Variants in RNFT2 observed in about 807,000 individuals in gnomAD.
RNFT2 encodes ring finger protein, transmembrane 2, also known as E3 ubiquitin-protein ligase RNFT2.
In RNFT2, 36 loss-of-function variants were observed where a neutral mutation model predicts 53.0. The observed-to-expected ratio is 0.68, with a 90% CI of 0.52 to 0.90. RNFT2 has a LOEUF of 0.90. Among genes scored for constraint, RNFT2 ranks in the 40% least tolerant of loss-of-function variants. The pLI is 0.00. For synonymous variants in RNFT2, 260 were observed against 253.2 expected, an observed-to-expected ratio of 1.03 and a Z score of -0.26; for missense variants, 514 against 585.6, an observed-to-expected ratio of 0.88 and a Z score of 1.26.
At position 116,815,366 on chromosome 12, in the gene RNFT2, TG is replaced by T. The variant is rs1218344655; in HGVS notation, c.883-18424del. On this transcript the variant is annotated intron_variant, in intron 7 of 10. Coordinates refer to ENST00000257575, the MANE Select transcript of RNFT2 (RefSeq NM_001382266.1). ...ACACAACTGTATTATCTTACAGTTC[TG>T]GAGGTCAGATGTCCAAAATCTGTGT... is the stretch of plus-strand genomic sequence containing the variant. Among the ~76,000 whole-genome samples the T allele has an allele frequency of 7.9e-5, 12 of 152,366 alleles. No homozygotes were observed. In the East Asian group the frequency reaches 2.1e-3, roughly 27 times the overall value.
chr12:116,818,317 T>G (rs1351341927), intron 7 of RNFT2, among the ~76,000 whole-genome samples: 2 of 38,280 alleles, frequency 5.2e-5, no homozygotes, highest in East Asian at 1.8e-3. Flanking sequence ...TGAGGCCCTA[T>G]CTCAAAAAAA....
At chr12:116,793,603 T>C (rs1159748688) in intron 7 of RNFT2, among the ~76,000 whole-genome samples, 1 of 152,216 alleles carries the variant, frequency 6.6e-6, no homozygotes, top group Admixed American at 6.6e-5. Flanking sequence ...CCAGCCATGC[T>C]GGTGACTTCT....
chr12:116,751,928 G>A (rs1034326268), intron 4 of RNFT2, among the ~76,000 whole-genome samples: 5 of 151,954 alleles, frequency 3.3e-5, no homozygotes, highest in East Asian at 3.9e-4. Flanking sequence ...GATTACAGGT[G>A]TGAGCCACCA....
chr12:116,832,138 A>ATAT (rs1479850265), intron 7 of RNFT2, among the ~76,000 whole-genome samples: 13 of 60,078 alleles, frequency 2.2e-4, no homozygotes, highest in African/African-American at 7.6e-4. Flanking sequence ...CTCAAAAAAA[A>ATAT]AAAAAAAAAA....
chr12:116,852,245 T>C lies in RNFT2; in HGVS notation c.*2797T>C. 9 of 1,273,602 alleles carry C rather than the reference T, an allele frequency of 7.1e-6. No individual in the cohort carries two copies. Among genetic ancestry groups the C allele is most frequent in the Non-Finnish European group, 8.9e-6 (9 of 1,008,454 alleles). 78.9% of individuals were successfully genotyped at this position (1,273,602 alleles called of 1,614,324 possible). A position where few individuals can be genotyped will look rare whatever the true frequency, so the allele number is the denominator to read the frequency against. Reference sequence around the variant, plus strand: ...CAATCTGTGTGGCTAGTGGGCAGATTACCATGCAAGCCCCAGGAGAAATGG... The same window carrying C: ...CAATCTGTGTGGCTAGTGGGCAGATCACCATGCAAGCCCCAGGAGAAATGG... On this transcript the variant is annotated 3_prime_UTR_variant, in exon 11 of 11. Coordinates refer to ENST00000257575, the MANE Select transcript of RNFT2 (RefSeq NM_001382266.1).
chr12:116,785,156 C>T (rs1388478750), intron 7 of RNFT2, among the ~76,000 whole-genome samples: 1 of 151,970 alleles, frequency 6.6e-6, no homozygotes, highest in African/African-American at 2.4e-5. Context: ...CAGAGATGCT[C>T]CTTCTCTAAT....
chr12:116,781,001 A>G (rs1338288898), intron 7 of RNFT2, among the ~76,000 whole-genome samples: 3 of 152,088 alleles, frequency 2.0e-5, no homozygotes, highest in Non-Finnish European at 2.9e-5. Context: ...CCTTCCTCCA[A>G]AGTACTCACT....
intron 7 of RNFT2, among the ~76,000 whole-genome samples, chr12:116,796,799 C>T (rs1040294838): frequency 2.0e-5 from 3 of 152,164 alleles, no homozygotes; most frequent in Non-Finnish European, 4.4e-5. Context: ...GTTTTGGCTG[C>T]ATAACATTCT....
intron 7 of RNFT2, among the ~76,000 whole-genome samples, chr12:116,781,687 C>T (rs1873706619): frequency 6.6e-6 from 1 of 152,070 alleles, no homozygotes; most frequent in Admixed American, 6.6e-5. Flanking sequence ...TGACACTGGC[C>T]CCACCCGAAT....
At chr12:116,845,258 A>T (rs377668559) in intron 10 of RNFT2, among the ~76,000 whole-genome samples, 7,873 of 121,706 alleles carry the variant, frequency 0.065, 275 homozygotes, top group Admixed American at 0.091. Flanking sequence ...AAAAAAAAAA[A>T]ATATATATAT....
chr12:116,779,349 G>A lies in RNFT2; in HGVS notation c.882+1G>A, dbSNP rs1263761403. 1 of 1,613,938 alleles carries A rather than the reference G, an allele frequency of 6.2e-7. No individual in the cohort carries two copies. Among genetic ancestry groups the A allele is most frequent in the Admixed American group, 1.7e-5 (1 of 60,020 alleles). On this transcript the variant is annotated splice_donor_variant, in intron 7 of 10. Coordinates refer to ENST00000257575, the MANE Select transcript of RNFT2 (RefSeq NM_001382266.1). LOFTEE classifies it high-confidence loss of function. Reference sequence around the variant, plus strand: ...GATCATCCTGGCTGTCAAGTCCAAGGTAGGCACTGGCTGCGGCCACAAGGT... The same window carrying A: ...GATCATCCTGGCTGTCAAGTCCAAGATAGGCACTGGCTGCGGCCACAAGGT...
At chr12:116,840,279 G>C (rs1031254323) in intron 10 of RNFT2, among the ~76,000 whole-genome samples, 1 of 152,102 alleles carries the variant, frequency 6.6e-6, no homozygotes. Flanking sequence ...CAGACACTTC[G>C]GGCGGGAAGT....
intron 7 of RNFT2, among the ~76,000 whole-genome samples, chr12:116,784,374 C>T (rs1873841743): frequency 6.6e-6 from 1 of 152,166 alleles, no homozygotes; most frequent in Admixed American, 6.5e-5. Context: ...ATTTTGTGTA[C>T]CAGCTATTTC....
chr12:116,848,143 AGCTCCACCCATG>A (rs1038130945), intron 10 of RNFT2, among the ~76,000 whole-genome samples: 5 of 152,088 alleles, frequency 3.3e-5, no homozygotes, highest in Non-Finnish European at 7.3e-5. Flanking sequence ...AATGGCTTCC[AGCTCCACCCATG>A]TCCCTGCAAA....
At chr12:116,761,025 A>C (rs564236301) in intron 5 of RNFT2, among the ~76,000 whole-genome samples, 1 of 152,020 alleles carries the variant, frequency 6.6e-6, no homozygotes, top group East Asian at 1.9e-4. Context: ...TCTTCGGTCT[A>C]TCACCCCTGG....
chr12:116,828,552 C>T (rs1876464325), intron 7 of RNFT2, among the ~76,000 whole-genome samples: 1 of 152,134 alleles, frequency 6.6e-6, no homozygotes, highest in Admixed American at 6.6e-5. Context: ...TAGCAAGCTT[C>T]CTGATGAAGG....
At position 116,851,776 on chromosome 12, in the gene RNFT2, GAGGA is replaced by G. The variant is rs746234865; in HGVS notation, c.*2346_*2349del. 247 of 781,646 alleles carry G rather than the reference GAGGA, an allele frequency of 3.2e-4. No individual in the cohort carries two copies. The highest frequency in any genetic ancestry group is 4.3e-4 in the Non-Finnish European group (200 of 464,738). The allele number at this position is 781,646 out of a possible 1,614,324, so 48.4% of individuals were successfully genotyped here. ...AAAAGAAAGAAAGAAGGGAGGGAGGGAGGAAGGAAGGAAGGAAGGAAAGAAAGAA... is the reference window on the plus strand; with the variant it reads ...AAAAGAAAGAAAGAAGGGAGGGAGGGAGGAAGGAAGGAAGGAAAGAAAGAA... On this transcript the variant is annotated 3_prime_UTR_variant, in exon 11 of 11. Coordinates refer to ENST00000257575, the MANE Select transcript of RNFT2 (RefSeq NM_001382266.1).
At chr12:116,768,946 G>A (rs1312497350) in intron 6 of RNFT2, among the ~76,000 whole-genome samples, 1 of 151,902 alleles carries the variant, frequency 6.6e-6, no homozygotes, top group East Asian at 1.9e-4. Context: ...GGCCAGGCTG[G>A]TCTCAAACTC....
chr12:116,758,880 T>G (rs893172976), intron 5 of RNFT2, among the ~76,000 whole-genome samples: 2 of 152,194 alleles, frequency 1.3e-5, no homozygotes, highest in Non-Finnish European at 2.9e-5. Flanking sequence ...GTGTTCTTTG[T>G]GCTTCTTGTA....
Sources: gnomAD v4.1 joint callset for allele counts (sites outside exome capture counted in the v4.1 genomes callset) on GRCh38, gnomAD v4.1.1 for gene constraint, MANE v1.5 for transcripts, NCBI Gene and HGNC (gene_info 2026-07-23, HGNC 2026-07-21) for gene names.